Variants in TADA2A observed in about 807,000 individuals in gnomAD.
TADA2A encodes transcriptional adaptor 2A.
Under a neutral mutation model 67.4 loss-of-function variants are expected in TADA2A, and 38 were observed. The observed-to-expected ratio is 0.56, with a 90% CI of 0.44 to 0.74. The LOEUF is 0.74. Ranked by LOEUF, TADA2A falls within the 30% of genes least tolerant of loss-of-function variation. The pLI, the probability that TADA2A is intolerant of heterozygous loss-of-function variation, is 0.00. For missense variants in TADA2A, 454 were observed against 547.0 expected, an observed-to-expected ratio of 0.83 and a Z score of 1.70; for synonymous variants, 192 against 181.6, an observed-to-expected ratio of 1.06 and a Z score of -0.46.
At chr17:37,464,669 G>A (rs546805739) in intron 10 of TADA2A, among the ~76,000 whole-genome samples, 3 of 151,438 alleles carry the variant, frequency 2.0e-5, no homozygotes, top group East Asian at 3.9e-4. Context: ...GTGAAACCTC[G>A]TCTCTACTAA....
At chr17:37,454,683 A>G in intron 8 of TADA2A, 1 of 301,836 alleles carries the variant, frequency 3.3e-6, no homozygotes, top group Non-Finnish European at 6.9e-6. Flanking sequence ...GAAATTCAAA[A>G]GAAAAGAACC....
At chr17:37,474,747 A>G (rs1310708994) in intron 15 of TADA2A, 118 bp downstream of exon 15, 22 of 1,100,346 alleles carry the variant, frequency 2.0e-5, no homozygotes, top group African/African-American at 3.2e-5. Context: ...ACATATATGC[A>G]CAGCTCTGGT....
At chr17:37,420,054 T>A (rs993355852) in intron 2 of TADA2A, among the ~76,000 whole-genome samples, 1 of 146,310 alleles carries the variant, frequency 6.8e-6, no homozygotes, top group African/African-American at 2.5e-5. Flanking sequence ...GATGCCTTTT[T>A]TAAAAATAGG....
intron 1 of TADA2A, chr17:37,408,307 C>T: frequency 6.6e-6 from 1 of 152,588 alleles, no homozygotes; most frequent in Non-Finnish European, 1.5e-5. Context: ...GGCCAGAGTG[C>T]AACAGCGCGT....
chr17:37,413,662 T>G (rs1474861940), intron 2 of TADA2A, among the ~76,000 whole-genome samples: 1 of 152,104 alleles, frequency 6.6e-6, no homozygotes, highest in Non-Finnish European at 1.5e-5. Context: ...TGCCCCCACC[T>G]TGGCCTCCCA....
intron 2 of TADA2A, 128 bp from the exon 3 acceptor site, chr17:37,423,381 C>T: frequency 3.0e-6 from 2 of 669,506 alleles, no homozygotes; most frequent in Admixed American, 3.2e-5. Flanking sequence ...GTAATGAGCT[C>T]ATCTTGTCTC....
intron 2 of TADA2A, among the ~76,000 whole-genome samples, chr17:37,415,967 CTA>C (rs2052031226): frequency 6.6e-6 from 1 of 150,938 alleles, no homozygotes; most frequent in Non-Finnish European, 1.5e-5. Context: ...GGGTGAGAAA[CTA>C]TATGTCAGGG....
chr17:37,419,345 G>GTT (rs372502961), intron 2 of TADA2A, among the ~76,000 whole-genome samples: 1 of 142,584 alleles, frequency 7.0e-6, no homozygotes, highest in African/African-American at 2.5e-5. Context: ...ATTTTGTGGG[G>GTT]TTTTTTTTTG....
At chr17:37,457,990 C>T (rs997013905) in intron 8 of TADA2A, among the ~76,000 whole-genome samples, 1 of 152,108 alleles carries the variant, frequency 6.6e-6, no homozygotes, top group African/African-American at 2.4e-5. Flanking sequence ...AAACTTGTAT[C>T]ATAGGGTTTG....
At position 37,459,247 on chromosome 17, in the gene TADA2A, C is replaced by CTT. The variant is rs34871036; in HGVS notation, c.668+671_668+672dup. 1.3e-3 allele frequency among the ~76,000 whole-genome samples: 196 copies of CTT among 146,202 alleles called. 3 individuals carry two copies. In the East Asian group the frequency reaches 0.02, roughly 15 times the overall value. On this transcript the variant is annotated intron_variant, in intron 9 of 15. Transcript: ENST00000615182. Reference sequence around the variant, plus strand: ...AAGGCATCAAGACAGTATTGTTACACTTTTTTTTTTTTAATATTTGTGAAT... The same window carrying CTT: ...AAGGCATCAAGACAGTATTGTTACACTTTTTTTTTTTTTTAATATTTGTGAAT...
chr17:37,476,781 T>A lies in TADA2A; in HGVS notation c.1147-16T>A. Reference sequence around the variant, plus strand: ...TGACAGATGTTAATGTTTATTAAATTTGCCGTGTCTTGCAGCTCTGTCAGA... The same window carrying A: ...TGACAGATGTTAATGTTTATTAAATATGCCGTGTCTTGCAGCTCTGTCAGA... On this transcript the variant is annotated splice_polypyrimidine_tract_variant and intron_variant, in intron 15 of 15. Coordinates refer to ENST00000615182, the MANE Select transcript of TADA2A (RefSeq NM_001166105.3). 1 of 1,585,952 alleles carries A rather than the reference T, an allele frequency of 6.3e-7. No homozygotes were observed. Among genetic ancestry groups the A allele is most frequent in the Non-Finnish European group, 8.6e-7 (1 of 1,163,282 alleles).
intron 1 of TADA2A, among the ~76,000 whole-genome samples, chr17:37,409,595 C>A (rs1025892625): frequency 7.0e-6 from 1 of 142,060 alleles, no homozygotes; most frequent in Non-Finnish European, 1.6e-5. Flanking sequence ...GGTGAAACCC[C>A]GTCTCTACTA....
intron 7 of TADA2A, among the ~76,000 whole-genome samples, chr17:37,443,179 C>T (rs1478525484): frequency 6.6e-6 from 1 of 151,964 alleles, no homozygotes; most frequent in East Asian, 1.9e-4. Flanking sequence ...CAAAAAAACC[C>T]CAGCAAACCC....
intron 4 of TADA2A, among the ~76,000 whole-genome samples, chr17:37,431,644 G>T (rs544732474): frequency 6.0e-5 from 9 of 149,588 alleles, no homozygotes; most frequent in African/African-American, 2.2e-4. Flanking sequence ...GGTTGATTTC[G>T]GCTCACTGCA....
At chr17:37,456,863 A>G (rs1402024977) in intron 8 of TADA2A, among the ~76,000 whole-genome samples, 1 of 152,178 alleles carries the variant, frequency 6.6e-6, no homozygotes, top group Non-Finnish European at 1.5e-5. Flanking sequence ...AGGGAAAGAA[A>G]GAACCAGAAC....
At chr17:37,422,019 C>A (rs980666002) in intron 2 of TADA2A, among the ~76,000 whole-genome samples, 1 of 144,316 alleles carries the variant, frequency 6.9e-6, no homozygotes, top group African/African-American at 2.5e-5. Flanking sequence ...GCTGGGACTA[C>A]AGATGCATAC....
At chr17:37,453,888 A>G (rs1480473436) in intron 8 of TADA2A, among the ~76,000 whole-genome samples, 1 of 146,094 alleles carries the variant, frequency 6.8e-6, no homozygotes, top group Non-Finnish European at 1.5e-5. Flanking sequence ...CTCCTGCCTC[A>G]GCCTCCTGAG....
rs376358952 is a variant in TADA2A, at chr17:37,451,355, G to A, written c.604+6587G>A. Reference sequence around the variant, plus strand: ...TTTTTTTTTTTTTGAGACGCCCTCTGTAGCCCAGGTTGGAGTGCAGTGGTG... The same window carrying A: ...TTTTTTTTTTTTTGAGACGCCCTCTATAGCCCAGGTTGGAGTGCAGTGGTG... On this transcript the variant is annotated intron_variant, in intron 8 of 15. Coordinates refer to ENST00000615182, the MANE Select transcript of TADA2A (RefSeq NM_001166105.3). Among the ~76,000 whole-genome samples the A allele has an allele frequency of 4.3e-5, 6 of 138,544 alleles. No homozygotes were observed. The East Asian group carries it at 1.3e-3, about 29-fold the overall frequency. 90.9% of individuals were successfully genotyped at this position (138,544 alleles called of 152,430 possible).
intron 13 of TADA2A, 65 bp from the exon 14 acceptor site, chr17:37,471,029 C>T (rs2053775590): frequency 6.4e-7 from 1 of 1,564,862 alleles, no homozygotes; most frequent in South Asian, 1.1e-5. Flanking sequence ...CCCAGTCTCA[C>T]CGGGGCTTTT....
Sources: gnomAD v4.1 joint callset for allele counts (sites outside exome capture counted in the v4.1 genomes callset) on GRCh38, gnomAD v4.1.1 for gene constraint, MANE v1.5 for transcripts, NCBI Gene and HGNC (gene_info 2026-07-23, HGNC 2026-07-21) for gene names.